The following PXN variants were observed in gnomAD, a reference collection of about 807,000 sequenced individuals.
PXN encodes paxillin.
PXN carries 61 observed loss-of-function variants against 103.6 expected under a neutral mutation model. The ratio of observed to expected loss-of-function variants is 0.59; its 90% confidence interval spans 0.48 to 0.73. PXN has a LOEUF of 0.73. Ranked by LOEUF, PXN falls within the 30% of genes least tolerant of loss-of-function variation. The probability of loss-of-function intolerance (pLI) is 0.00; values close to 1 mark genes in which losing one functional copy is unlikely to be tolerated. For synonymous variants in PXN, 562 were observed against 607.8 expected, an observed-to-expected ratio of 0.92 and a Z score of 1.11; for missense variants, 1,274 against 1,460.3, an observed-to-expected ratio of 0.87 and a Z score of 2.08.
At position 120,210,821 on chromosome 12, in the gene PXN, A is replaced by G. The variant is rs1260120571; in HGVS notation, c.*1493T>C. ...CCCCTTTCTCCTCATCAGGAGCCCA[A>G]GGCCTGGCTCCTCTTTCATCCTTGG... On this transcript the variant is annotated 3_prime_UTR_variant, in exon 15 of 15. Coordinates refer to ENST00000637617, the MANE Select transcript of PXN (RefSeq NM_001385981.1). 1.3e-5 allele frequency: 2 copies of G among 152,690 alleles called. No individual in the cohort carries two copies. The highest frequency in any genetic ancestry group is 1.3e-4 in the Admixed American group (2 of 15,280). The allele number at this position is 152,690 out of a possible 1,614,324, so 9.5% of individuals were successfully genotyped here. A position where few individuals can be genotyped will look rare whatever the true frequency, so the allele number is the denominator to read the frequency against.
Position 120,212,675 on chromosome 12 carries a change from G to A in PXN, c.2980-95C>T. 7.0e-7 allele frequency: 1 copy of A among 1,430,236 alleles called. No homozygotes were observed. 88.6% of individuals were successfully genotyped at this position (1,430,236 alleles called of 1,614,324 possible). Reference sequence around the variant, plus strand: ...GAGGTGGGCATAGTCGGCACGCTCGGAGTGACTCCTACTTGCTAGGCGTTT... The same window carrying A: ...GAGGTGGGCATAGTCGGCACGCTCGAAGTGACTCCTACTTGCTAGGCGTTT... On this transcript the variant is annotated intron_variant, in intron 14 of 14. Transcript: ENST00000637617. This position sits in a 1 kb window ranked among gnomAD's most constrained non-coding sequence, Gnocchi z 7.2.
Position 120,215,766 on chromosome 12 carries a change from G to C in PXN, c.2302-105C>G. On this transcript the variant is annotated intron_variant, in intron 9 of 14. Coordinates refer to ENST00000637617, the MANE Select transcript of PXN (RefSeq NM_001385981.1). This position sits in a 1 kb window ranked among gnomAD's most constrained non-coding sequence, Gnocchi z 4.9. Reference sequence around the variant, plus strand: ...AAGGGAATCTAGGATGAGATCTGAGGGTTTCTCCCCCACCGGCAGGACCAA... The same window carrying C: ...AAGGGAATCTAGGATGAGATCTGAGCGTTTCTCCCCCACCGGCAGGACCAA... 1 of 1,336,496 alleles carries C rather than the reference G, an allele frequency of 7.5e-7. No homozygotes were observed. Among genetic ancestry groups the C allele is most frequent in the Non-Finnish European group, 9.9e-7 (1 of 1,015,088 alleles). The allele number at this position is 1,336,496 out of a possible 1,614,324, so 82.8% of individuals were successfully genotyped here.
intron 1 of PXN, among the ~76,000 whole-genome samples, chr12:120,243,965 A>G (rs539815083): frequency 5.9e-5 from 9 of 152,108 alleles, no homozygotes; most frequent in Non-Finnish European, 1.2e-4. Context: ...TAGGGGCTCC[A>G]TGGATGATAC....
Position 120,217,036 on chromosome 12 carries a change from C to G in PXN, c.1797G>C (p.Leu599=). ...MSREPSPRRR[L]DPATLSRTPS... ...GGGTCCTGCTCAAGGTGGCAGGGTCCAGCCGGCGGCGAGGGGAGGGCTCCC... is the reference window on the plus strand; with the variant it reads ...GGGTCCTGCTCAAGGTGGCAGGGTCGAGCCGGCGGCGAGGGGAGGGCTCCC... Residue 599 remains leucine (L), a synonymous_variant, in exon 8 of 15, where the codon CTG becomes CTC. Transcript: ENST00000637617. This position sits in a 1 kb window ranked among gnomAD's most constrained non-coding sequence, Gnocchi z 4.1. 1 of 1,586,498 alleles carries G rather than the reference C, an allele frequency of 6.3e-7. No homozygotes were observed. Among genetic ancestry groups the G allele is most frequent in the Admixed American group, 1.7e-5 (1 of 58,384 alleles).
At position 120,228,819 on chromosome 12, in the gene PXN, C is replaced by T. The variant is rs1335421854; in HGVS notation, c.14-4442G>A. On this transcript the variant is annotated intron_variant, in intron 1 of 14. Coordinates refer to ENST00000637617, the MANE Select transcript of PXN (RefSeq NM_001385981.1). The surrounding 1 kb of genome is among the most constrained non-coding windows in gnomAD (Gnocchi z 4.7). Reference sequence around the variant, plus strand: ...GCACCGTGTGCGCCCCTATCTGCACCCCATGGCTGCACCTGGTCGGAGCAA... The same window carrying T: ...GCACCGTGTGCGCCCCTATCTGCACTCCATGGCTGCACCTGGTCGGAGCAA... 5.3e-5 allele frequency among the ~76,000 whole-genome samples: 8 copies of T among 152,202 alleles called. No homozygotes were observed. Among genetic ancestry groups the T allele is most frequent in the Admixed American group, 5.2e-4 (8 of 15,286 alleles).
intron 1 of PXN, chr12:120,226,276 C>T (rs1886845672): frequency 7.8e-7 from 1 of 1,288,800 alleles, no homozygotes; most frequent in African/African-American, 1.5e-5. Flanking sequence ...CCAGAGCAGG[C>T]AACGAATGAG....
Position 120,212,734 on chromosome 12 carries a change from T to G in PXN, c.2980-154A>C. 2 of 786,734 alleles carry G rather than the reference T, an allele frequency of 2.5e-6. No homozygotes were observed. The highest frequency in any genetic ancestry group is 3.7e-6 in the Non-Finnish European group (2 of 537,068). The allele number at this position is 786,734 out of a possible 1,614,324, so 48.7% of individuals were successfully genotyped here. On this transcript the variant is annotated intron_variant, in intron 14 of 14. Coordinates refer to ENST00000637617, the MANE Select transcript of PXN (RefSeq NM_001385981.1). The surrounding 1 kb of genome is among the most constrained non-coding windows in gnomAD (Gnocchi z 7.2). ...CCGTGTTGTCCTAAACGCTCATTTT[T>G]CATTTTTATTTTATTAAATAAATTT...
At chr12:120,262,016 C>T (rs1443340285) in intron 1 of PXN, among the ~76,000 whole-genome samples, 4 of 152,150 alleles carry the variant, frequency 2.6e-5, no homozygotes, top group Admixed American at 6.5e-5. Flanking sequence ...GGGTAAATGC[C>T]GCCTCTGCCA....
At position 120,216,623 on chromosome 12, in the gene PXN, C is replaced by A; in HGVS notation, c.1993-42G>T. 6.6e-7 allele frequency: 1 copy of A among 1,517,874 alleles called. No individual in the cohort carries two copies. 94.0% of individuals were successfully genotyped at this position (1,517,874 alleles called of 1,614,324 possible). On this transcript the variant is annotated intron_variant, in intron 8 of 14. Transcript: ENST00000637617. This position sits in a 1 kb window ranked among gnomAD's most constrained non-coding sequence, Gnocchi z 5.1. Reference sequence around the variant, plus strand: ...AGGGAGAGCGATGAGGAAGAAATCGCCAGCTCAGCCCACAGGGGTGGCGGG... The same window carrying A: ...AGGGAGAGCGATGAGGAAGAAATCGACAGCTCAGCCCACAGGGGTGGCGGG...
At chr12:120,256,576 G>C in intron 1 of PXN, among the ~76,000 whole-genome samples, 1 of 151,918 alleles carries the variant, frequency 6.6e-6, no homozygotes, top group South Asian at 2.1e-4. Context: ...GGGACGTGGG[G>C]GGTGGAGTAA....
chr12:120,212,662 G>C lies in PXN; in HGVS notation c.2980-82C>G, dbSNP rs1880611503. ...GTGTGATGGGGCCGAGGTGGGCATA[G>C]TCGGCACGCTCGGAGTGACTCCTAC... On this transcript the variant is annotated intron_variant, in intron 14 of 14. Coordinates refer to ENST00000637617, the MANE Select transcript of PXN (RefSeq NM_001385981.1). The surrounding 1 kb of genome is among the most constrained non-coding windows in gnomAD (Gnocchi z 7.2). 2.0e-5 allele frequency: 31 copies of C among 1,513,762 alleles called. No homozygotes were observed. The highest frequency in any genetic ancestry group is 2.7e-5 in the Non-Finnish European group (30 of 1,118,814). 93.8% of individuals were successfully genotyped at this position (1,513,762 alleles called of 1,614,324 possible). A position where few individuals can be genotyped will look rare whatever the true frequency, so the allele number is the denominator to read the frequency against.
intron 1 of PXN, among the ~76,000 whole-genome samples, chr12:120,227,492 C>T (rs1004531185): frequency 2.0e-5 from 3 of 152,238 alleles, no homozygotes; most frequent in Non-Finnish European, 2.9e-5. Flanking sequence ...CAGAGCAAGA[C>T]CCTGTCTTAA....
chr12:120,214,801 C>A lies in PXN; in HGVS notation c.2748+24G>T. ...TGAAGCTGGAATGAGCGGAAGCGGG[C>A]GCGGTGCCGGATGAGGAACTCACAT... is the stretch of plus-strand genomic sequence containing the variant. On this transcript the variant is annotated intron_variant, in intron 12 of 14. Coordinates refer to ENST00000637617, the MANE Select transcript of PXN (RefSeq NM_001385981.1). This position sits in a 1 kb window ranked among gnomAD's most constrained non-coding sequence, Gnocchi z 5.0. 6.2e-7 allele frequency: 1 copy of A among 1,612,568 alleles called. No homozygotes were observed. Among genetic ancestry groups the A allele is most frequent in the Non-Finnish European group, 8.5e-7 (1 of 1,178,880 alleles).
chr12:120,250,518 G>A (rs1033112352), intron 1 of PXN, among the ~76,000 whole-genome samples: 8 of 152,196 alleles, frequency 5.3e-5, no homozygotes, highest in African/African-American at 1.9e-4. Flanking sequence ...TGATCTGGGA[G>A]TGGATCTCAG....
chr12:120,224,143 C>G lies in PXN; in HGVS notation c.240+8G>C. On this transcript the variant is annotated splice_region_variant and intron_variant, in intron 2 of 14. Coordinates refer to ENST00000637617, the MANE Select transcript of PXN (RefSeq NM_001385981.1). The surrounding 1 kb of genome is among the most constrained non-coding windows in gnomAD (Gnocchi z 5.0). ...CCTTGGCCTTCCCAGCCACTGTCCCCGCCTCACCTGCTGGTGGATGAATCG... is the reference window on the plus strand; with the variant it reads ...CCTTGGCCTTCCCAGCCACTGTCCCGGCCTCACCTGCTGGTGGATGAATCG... 1 of 1,550,888 alleles carries G rather than the reference C, an allele frequency of 6.4e-7. No individual in the cohort carries two copies. The highest frequency in any genetic ancestry group is 1.4e-5 in the African/African-American group (1 of 73,974).
chr12:120,250,127 T>C (rs1594508569), intron 1 of PXN: 2 of 985,708 alleles, frequency 2.0e-6, no homozygotes, highest in Non-Finnish European at 2.4e-6. Context: ...GAAACTGCCT[T>C]AGCCGGCCAG....
intron 1 of PXN, among the ~76,000 whole-genome samples, chr12:120,259,347 G>C (rs1229097840): frequency 6.6e-6 from 1 of 152,030 alleles, no homozygotes; most frequent in Non-Finnish European, 1.5e-5. Context: ...AGCCAAGATC[G>C]CGCTGCTGCA....
intron 1 of PXN, among the ~76,000 whole-genome samples, chr12:120,252,239 G>A (rs1892308064): frequency 6.6e-6 from 1 of 152,184 alleles, no homozygotes; most frequent in Non-Finnish European, 1.5e-5. Context: ...GTTATTAAGT[G>A]ACCGCAGAGA....
At chr12:120,257,682 G>A (rs1334454463) in intron 1 of PXN, among the ~76,000 whole-genome samples, 2 of 152,230 alleles carry the variant, frequency 1.3e-5, no homozygotes, top group East Asian at 3.8e-4. Flanking sequence ...GAGGGACCAA[G>A]GGAGTGGGGA....
Sources: gnomAD v4.1 joint callset for allele counts (sites outside exome capture counted in the v4.1 genomes callset) on GRCh38, gnomAD v4.1.1 for gene constraint, Gnocchi (gnomAD v3.1) non-coding constraint, MANE v1.5 for transcripts, NCBI Gene and HGNC (gene_info 2026-07-23, HGNC 2026-07-21) for gene names.